Variants in CYTH1 observed in about 807,000 individuals in gnomAD.
The protein encoded by CYTH1 is cytohesin 1, also known as cytohesin-1.
Under a neutral mutation model 61.8 loss-of-function variants are expected in CYTH1, and 18 were observed. The observed-to-expected ratio is 0.29, with a 90% CI of 0.20 to 0.43. The LOEUF (loss-of-function observed/expected upper bound fraction) is 0.43. CYTH1 is among the 20% of genes least tolerant of loss of function. The probability of loss-of-function intolerance (pLI) is 1.00; values close to 1 mark genes in which losing one functional copy is unlikely to be tolerated. For synonymous variants in CYTH1, 174 were observed against 184.3 expected (o/e 0.94, Z 0.45); for missense variants, 336 against 510.5 (o/e 0.66, Z 3.29).
intron 11 of CYTH1, among the ~76,000 whole-genome samples, chr17:78,681,854 A>C (rs2092767380): frequency 6.6e-6 from 1 of 151,802 alleles, no homozygotes; most frequent in Non-Finnish European, 1.5e-5. Flanking sequence ...AAAAAAAAAA[A>C]ACCAACCAGT....
At chr17:78,694,985 G>A (rs569295002) in intron 10 of CYTH1, among the ~76,000 whole-genome samples, 11 of 152,208 alleles carry the variant, frequency 7.2e-5, no homozygotes, top group Admixed American at 2.0e-4. Context: ...CCCACTGCAC[G>A]GCTCCTCAGG....
chr17:78,746,821 AGT>A (rs2093361140), intron 1 of CYTH1, among the ~76,000 whole-genome samples: 1 of 152,046 alleles, frequency 6.6e-6, no homozygotes, highest in Non-Finnish European at 1.5e-5. Context: ...GCGTGCCTGT[AGT>A]CTCAGCTACT....
At chr17:78,770,639 G>A (rs2093467698) in intron 1 of CYTH1, among the ~76,000 whole-genome samples, 2 of 151,998 alleles carry the variant, frequency 1.3e-5, no homozygotes, top group African/African-American at 2.4e-5. Flanking sequence ...GGATGGTCTC[G>A]ATCTCTTGAC....
At chr17:78,707,846 A>G (rs1033547655) in intron 3 of CYTH1, among the ~76,000 whole-genome samples, 16 of 152,098 alleles carry the variant, frequency 1.1e-4, no homozygotes, top group African/African-American at 3.4e-4. Context: ...ACACCCGTCT[A>G]ATTTTTGTAT....
intron 1 of CYTH1, among the ~76,000 whole-genome samples, chr17:78,751,851 C>A (rs1030702828): frequency 1.3e-5 from 2 of 152,074 alleles, no homozygotes; most frequent in Admixed American, 6.5e-5. Context: ...ACTGTGTCAC[C>A]CAGGCTGGAG....
chr17:78,777,151 C>A (rs1379107723), intron 1 of CYTH1, among the ~76,000 whole-genome samples: 3 of 138,836 alleles, frequency 2.2e-5, no homozygotes, highest in Non-Finnish European at 4.6e-5. Context: ...TAAGGCCGGG[C>A]GCGGTGGCTC....
At chr17:78,748,579 A>G (rs2093368055) in intron 1 of CYTH1, among the ~76,000 whole-genome samples, 1 of 152,214 alleles carries the variant, frequency 6.6e-6, no homozygotes. Flanking sequence ...AGAAGGGGGT[A>G]AGGGAGATTA....
chr17:78,714,037 C>G (rs575435997), intron 1 of CYTH1, among the ~76,000 whole-genome samples: 1 of 152,120 alleles, frequency 6.6e-6, no homozygotes, highest in Non-Finnish European at 1.5e-5. Flanking sequence ...CGCCTGTAAT[C>G]CTAGCACTTT....
intron 1 of CYTH1, among the ~76,000 whole-genome samples, chr17:78,735,279 C>T (rs1300203101): frequency 6.6e-6 from 1 of 152,192 alleles, no homozygotes. Flanking sequence ...GTGACTATTA[C>T]ACAGCACCTC....
At chr17:78,707,682 AT>A (rs140347768) in intron 3 of CYTH1, among the ~76,000 whole-genome samples, 9,367 of 141,776 alleles carry the variant, frequency 0.066, 323 homozygotes, top group Non-Finnish European at 0.088. Context: ...CTCCAGTTCA[AT>A]TTTTTTTTTT....
At chr17:78,677,896 C>T (rs1465003866) in intron 13 of CYTH1, 1 of 152,252 alleles carries the variant, frequency 6.6e-6, no homozygotes, top group African/African-American at 2.4e-5. Context: ...CTGCATGAGT[C>T]ACACTGCTCA....
rs1008853471 is a variant in CYTH1, at chr17:78,724,844, C to A, written c.23-15112G>T. Among the ~76,000 whole-genome samples the A allele has an allele frequency of 6.6e-5, 10 of 152,344 alleles. No homozygotes were observed. In the East Asian group the frequency reaches 1.9e-3, roughly 29 times the overall value. On this transcript the variant is annotated intron_variant, in intron 1 of 13. Transcript: ENST00000446868. ...CAGACGTCCTCATCACCAGGCAGTG[C>A]CACCAGGCCTGACCCAAATACCCTG...
intron 11 of CYTH1, 135 bp from the exon 12 acceptor site, chr17:78,681,177 C>T (rs1598812316): frequency 1.2e-6 from 1 of 801,804 alleles, no homozygotes; most frequent in East Asian, 2.5e-5. Context: ...CCTGAGGGAA[C>T]TCCTTACATT....
chr17:78,759,120 T>C (rs2093412879), intron 1 of CYTH1, among the ~76,000 whole-genome samples: 2 of 152,216 alleles, frequency 1.3e-5, no homozygotes, highest in South Asian at 4.1e-4. Context: ...AAAGAAAATT[T>C]CCATAATAAT....
intron 12 of CYTH1, 89 bp downstream of exon 12, chr17:78,680,882 T>C (rs1418377529): frequency 8.5e-6 from 11 of 1,294,648 alleles, no homozygotes; most frequent in Middle Eastern, 1.9e-4. Context: ...ATCACGCTTT[T>C]CAGTTTTTTG....
chr17:78,698,179 GCGCACACACGCACGCA>G (rs964440297), intron 9 of CYTH1, 74 bp downstream of exon 9: 29 of 1,056,740 alleles, frequency 2.7e-5, no homozygotes, highest in South Asian at 4.0e-5. Flanking sequence ...ACACGCACAC[GCGCACACACGCACGCA>G]CGCACACACG....
rs372429039 is a variant in CYTH1 at position 78,710,987 on chromosome 17, G to C, written c.23-1255C>G. Among the ~76,000 whole-genome samples, 7 of 152,254 alleles carry C rather than the reference G, an allele frequency of 4.6e-5. No individual in the cohort carries two copies. In the East Asian group the frequency reaches 1.2e-3, roughly 25 times the overall value. On this transcript the variant is annotated intron_variant, in intron 1 of 13. Coordinates refer to ENST00000446868, the MANE Select transcript of CYTH1 (RefSeq NM_004762.6). ...GGTAAAAAATATACACCGAGGCCGG[G>C]CACAGTGGCTCATGCCTGTAATCCC...
At chr17:78,754,745 A>T (rs1046969206) in intron 1 of CYTH1, among the ~76,000 whole-genome samples, 6 of 152,186 alleles carry the variant, frequency 3.9e-5, no homozygotes, top group African/African-American at 1.4e-4. Context: ...ATCCATTTTT[A>T]AATTTATGCA....
Position 78,690,800 on chromosome 17 carries a change from C to T in CYTH1, c.891+1617G>A, listed in dbSNP as rs552217897. On this transcript the variant is annotated intron_variant, in intron 11 of 13. Transcript: ENST00000446868. Reference sequence around the variant, plus strand: ...ATTAAGGATTAAGGTGACACCACTACGGTGGGCATCACGAAAAACCACAAG... The same window carrying T: ...ATTAAGGATTAAGGTGACACCACTATGGTGGGCATCACGAAAAACCACAAG... 5.3e-5 allele frequency among the ~76,000 whole-genome samples: 8 copies of T among 152,186 alleles called. No homozygotes were observed. The South Asian group carries it at 1.0e-3, about 20-fold the overall frequency.
Sources: gnomAD v4.1 joint callset for allele counts (sites outside exome capture counted in the v4.1 genomes callset) on GRCh38, gnomAD v4.1.1 for gene constraint, MANE v1.5 for transcripts, NCBI Gene and HGNC (gene_info 2026-07-23, HGNC 2026-07-21) for gene names.